Variants in HERC1 observed in about 807,000 individuals in gnomAD.
HERC1 encodes probable E3 ubiquitin-protein ligase HERC1.
In HERC1, 160 loss-of-function variants were observed where a neutral mutation model predicts 554.3. That is an observed-to-expected ratio of 0.29 (90% CI 0.25 to 0.33). HERC1 has a LOEUF of 0.33. HERC1 is among the 10% of genes least tolerant of loss of function. The probability of loss-of-function intolerance (pLI) is 1.00; values close to 1 mark genes in which losing one functional copy is unlikely to be tolerated. For synonymous variants in HERC1, 2,175 were observed against 2,131.7 expected (o/e 1.02, Z -0.56); for missense variants, 4,919 against 5,918.5 (o/e 0.83, Z 5.54).
At position 63,666,446 on chromosome 15, in the gene HERC1, A is replaced by T; in HGVS notation, c.8233T>A (p.Ser2745Thr). 6.2e-7 allele frequency: 1 copy of T among 1,613,482 alleles called. No homozygotes were observed. The highest frequency in any genetic ancestry group is 8.5e-7 in the Non-Finnish European group (1 of 1,179,580). Residue 2745 changes from serine (S) to threonine (T), a missense_variant, in exon 41 of 78, where the codon TCA becomes ACA. Around this residue, in one of 11 missense-constraint regions of HERC1, gnomAD observed 1,963 missense variants for 2,228.6 expected, o/e 0.88. Transcript: ENST00000443617. ...TALSDPSSRL[S>T]TSPPPPAIAV... is the part of the protein sequence containing the mutation. ...ATTGCTGGAGGAGGAGGAGAAGTTG[A>T]AAGTCTACTGCTTGGGTCTGACAAG...
At chr15:63,754,729 G>C in intron 6 of HERC1, 81 bp from the exon 7 acceptor site, 1 of 1,301,320 alleles carries the variant, frequency 7.7e-7, no homozygotes, top group East Asian at 2.4e-5. Context: ...TATAATAAAT[G>C]TTACAACTTT....
chr15:63,670,913 A>G (rs1566993574), intron 39 of HERC1, among the ~76,000 whole-genome samples: 1 of 152,076 alleles, frequency 6.6e-6, no homozygotes, highest in South Asian at 2.1e-4. Context: ...TCAAAAAATT[A>G]GCGAGGGGCC....
chr15:63,708,123 G>C (rs1434682083), intron 24 of HERC1, among the ~76,000 whole-genome samples: 1 of 151,860 alleles, frequency 6.6e-6, no homozygotes, highest in Non-Finnish European at 1.5e-5. Context: ...TTTGGTGCTG[G>C]ATAAAACACC....
At chr15:63,726,199 C>T (rs1171119702) in intron 17 of HERC1, among the ~76,000 whole-genome samples, 1 of 152,156 alleles carries the variant, frequency 6.6e-6, no homozygotes, top group Non-Finnish European at 1.5e-5. Flanking sequence ...CCAGGCTGGT[C>T]TTGAACTCCT....
At chr15:63,704,594 G>A (rs1375765468) in intron 25 of HERC1, among the ~76,000 whole-genome samples, 1 of 151,914 alleles carries the variant, frequency 6.6e-6, no homozygotes, top group African/African-American at 2.4e-5. Context: ...AACAAAATTA[G>A]GAAAGTAAAT....
chr15:63,637,835 G>C (rs2068852037), intron 63 of HERC1, among the ~76,000 whole-genome samples, 192 bp from the exon 64 acceptor site: 1 of 152,124 alleles, frequency 6.6e-6, no homozygotes, highest in African/African-American at 2.4e-5. Flanking sequence ...ATTTAACCAA[G>C]AGATGTATGA....
Position 63,755,751 on chromosome 15 carries a change from G to A in HERC1, c.1534-426C>T, listed in dbSNP as rs116103211. Among the ~76,000 whole-genome samples, 765 of 152,106 alleles carry A rather than the reference G, an allele frequency of 5.0e-3. 10 individuals are homozygous for A. Among genetic ancestry groups the A allele is most frequent in the African/African-American group, 0.017 (689 of 41,472 alleles). The stretch of plus-strand genomic sequence containing the variant: ...GGCTGAGATAGCACCACTGCACTCC[G>A]GCCTGGGTGACAAAGTAAGAACCTA... On this transcript the variant is annotated intron_variant, in intron 5 of 77. Coordinates refer to ENST00000443617, the MANE Select transcript of HERC1 (RefSeq NM_003922.4).
chr15:63,800,848 T>C (rs976309540), intron 1 of HERC1, among the ~76,000 whole-genome samples: 60 of 151,592 alleles, frequency 4.0e-4, no homozygotes, highest in African/African-American at 1.2e-3. Context: ...AGTGGGCCCT[T>C]AGATAGCTTC....
intron 19 of HERC1, among the ~76,000 whole-genome samples, chr15:63,721,531 A>C (rs1434729023): frequency 2.0e-5 from 3 of 152,168 alleles, no homozygotes; most frequent in African/African-American, 7.2e-5. Flanking sequence ...GTCTCAAAAA[A>C]CAAAAAACAA....
chr15:63,758,414 A>G lies in HERC1; in HGVS notation c.1027-45T>C, dbSNP rs757933472. The G allele has an allele frequency of 7.0e-7, 1 of 1,418,926 alleles. No individual in the cohort carries two copies. The highest frequency in any genetic ancestry group is 9.6e-7 in the Non-Finnish European group (1 of 1,037,786). The allele number at this position is 1,418,926 out of a possible 1,614,324, so 87.9% of individuals were successfully genotyped here. ...TGCAACAAATAGTCAAGACAGTTTTAGTCTGGGCATTTTTTATACATATCC... is the reference window on the plus strand; with the variant it reads ...TGCAACAAATAGTCAAGACAGTTTTGGTCTGGGCATTTTTTATACATATCC... On this transcript the variant is annotated intron_variant, in intron 3 of 77. Coordinates refer to ENST00000443617, the MANE Select transcript of HERC1 (RefSeq NM_003922.4). This position sits in a 1 kb window ranked among gnomAD's most constrained non-coding sequence, Gnocchi z 4.0.
intron 57 of HERC1, among the ~76,000 whole-genome samples, chr15:63,644,638 A>G (rs981154682): frequency 1.6e-4 from 24 of 152,190 alleles, no homozygotes; most frequent in Admixed American, 1.2e-3. Flanking sequence ...ATCATTCTTC[A>G]TAGCAAGGAT....
At chr15:63,701,304 G>C (rs1357799628) in intron 25 of HERC1, among the ~76,000 whole-genome samples, 1 of 152,118 alleles carries the variant, frequency 6.6e-6, no homozygotes, top group Non-Finnish European at 1.5e-5. Context: ...ATCACTGATG[G>C]AAATTTCAAT....
At chr15:63,624,099 A>T in intron 72 of HERC1, 59 bp downstream of exon 72, 1 of 1,458,510 alleles carries the variant, frequency 6.9e-7, no homozygotes, top group Non-Finnish European at 9.4e-7. Context: ...AGAAATTAGT[A>T]ATAACATCCA....
At position 63,724,399 on chromosome 15, in the gene HERC1, G is replaced by T. The variant is rs1467354204; in HGVS notation, c.3568+893C>A. ...TCACTTTCTGGTTCATAAATGAAAT[G>T]ATGAATGTACACTCATATTTGGAAA... On this transcript the variant is annotated intron_variant, in intron 18 of 77. Coordinates refer to ENST00000443617, the MANE Select transcript of HERC1 (RefSeq NM_003922.4). 2.6e-5 allele frequency among the ~76,000 whole-genome samples: 4 copies of T among 152,288 alleles called. No individual in the cohort carries two copies. The South Asian group carries it at 6.2e-4, about 24-fold the overall frequency.
chr15:63,692,837 G>A lies in HERC1; in HGVS notation c.5675-271C>T, dbSNP rs1047112211. Among the ~76,000 whole-genome samples, 1 of 152,132 alleles carries A rather than the reference G, an allele frequency of 6.6e-6. No individual in the cohort carries two copies. The highest frequency in any genetic ancestry group is 1.5e-5 in the Non-Finnish European group (1 of 68,038). On this transcript the variant is annotated intron_variant, in intron 30 of 77. Transcript: ENST00000443617. This position sits in a 1 kb window ranked among gnomAD's most constrained non-coding sequence, Gnocchi z 4.7. ...TAATAAAGAATTATTGGTGACTAGA[G>A]AACAGAACAGTCTAGGAAGAAGTCG...
At position 63,653,299 on chromosome 15, in the gene HERC1, C is replaced by T. The variant is rs183934888; in HGVS notation, c.10291-758G>A. 1.1e-4 allele frequency among the ~76,000 whole-genome samples: 17 copies of T among 152,008 alleles called. No individual in the cohort carries two copies. In the East Asian group the frequency reaches 1.6e-3, roughly 14 times the overall value. Reference sequence around the variant, plus strand: ...CCACTAAAAATACAAAAAAATTAGCCGAGTGTGGTGGTGTACATCTGTAAT... The same window carrying T: ...CCACTAAAAATACAAAAAAATTAGCTGAGTGTGGTGGTGTACATCTGTAAT... On this transcript the variant is annotated intron_variant, in intron 51 of 77. Coordinates refer to ENST00000443617, the MANE Select transcript of HERC1 (RefSeq NM_003922.4).
chr15:63,831,483 T>C (rs2078152507), intron 1 of HERC1, among the ~76,000 whole-genome samples: 1 of 152,218 alleles, frequency 6.6e-6, no homozygotes, highest in Non-Finnish European at 1.5e-5. Flanking sequence ...TATATAGTTA[T>C]CCAACTATAA....
chr15:63,755,383 A>G, intron 5 of HERC1, 58 bp from the exon 6 acceptor site: 1 of 1,246,750 alleles, frequency 8.0e-7, no homozygotes, highest in Non-Finnish European at 1.2e-6. Flanking sequence ...TATAGTCCGT[A>G]TTTGATCCTA....
chr15:63,719,719 C>G (rs1331263225), intron 19 of HERC1, among the ~76,000 whole-genome samples: 1 of 152,060 alleles, frequency 6.6e-6, no homozygotes, highest in Non-Finnish European at 1.5e-5. Flanking sequence ...ATTTTGAAGG[C>G]AGAATTGACA....
Sources: gnomAD v4.1 joint callset for allele counts (sites outside exome capture counted in the v4.1 genomes callset) on GRCh38, gnomAD v4.1.1 for gene constraint, gnomAD v4.1.1 regional missense constraint, Gnocchi (gnomAD v3.1) non-coding constraint, MANE v1.5 for transcripts, NCBI Gene and HGNC (gene_info 2026-07-23, HGNC 2026-07-21) for gene names.